ZNF423: variants seen among roughly 807,000 people sequenced by gnomAD.
The protein encoded by ZNF423 is zinc finger protein 423.
Under a neutral mutation model 95.8 loss-of-function variants are expected in ZNF423, and 12 were observed. That is an observed-to-expected ratio of 0.13 (90% CI 0.08 to 0.20). ZNF423 has a LOEUF of 0.20. Among genes scored for constraint, ZNF423 ranks in the 10% least tolerant of loss-of-function variants. The probability of loss-of-function intolerance (pLI) is 1.00; values close to 1 mark genes in which losing one functional copy is unlikely to be tolerated. For synonymous variants in ZNF423, 749 were observed against 711.9 expected (o/e 1.05, Z -0.83); for missense variants, 1,316 against 1,737.1 (o/e 0.76, Z 4.31).
chr16:49,642,877 G>A (rs1312342135), intron 3 of ZNF423, among the ~76,000 whole-genome samples: 1 of 148,736 alleles, frequency 6.7e-6, no homozygotes, highest in Non-Finnish European at 1.5e-5. Context: ...CCAGAGTGCA[G>A]TGGTGTGATC....
At chr16:49,546,929 G>A (rs1374617104) in intron 5 of ZNF423, among the ~76,000 whole-genome samples, 1 of 151,236 alleles carries the variant, frequency 6.6e-6, no homozygotes, top group Non-Finnish European at 1.5e-5. Flanking sequence ...GTGATCTTAG[G>A]ATAGTCACCT....
chr16:49,600,782 G>C (rs555780379), intron 5 of ZNF423, among the ~76,000 whole-genome samples: 1 of 152,270 alleles, frequency 6.6e-6, no homozygotes, highest in Admixed American at 6.5e-5. Context: ...ACCCAGGCCG[G>C]AGTGAGTGCT....
intron 1 of ZNF423, among the ~76,000 whole-genome samples, chr16:49,795,953 G>C (rs968778773): frequency 6.6e-6 from 1 of 152,084 alleles, no homozygotes; most frequent in Non-Finnish European, 1.5e-5. Flanking sequence ...GAGGCCAGAG[G>C]GCCCTTAGAG....
intron 3 of ZNF423, among the ~76,000 whole-genome samples, chr16:49,644,280 T>C (rs192541027): frequency 2.4e-3 from 368 of 151,964 alleles, no homozygotes; most frequent in South Asian, 0.012. Flanking sequence ...TGCATTGAGT[T>C]TGGGGGGAAG....
At chr16:49,509,365 G>A (rs368062497) in intron 7 of ZNF423, among the ~76,000 whole-genome samples, 56 of 152,212 alleles carry the variant, frequency 3.7e-4, no homozygotes, top group Non-Finnish European at 6.2e-4. Context: ...GCCCCAGTCC[G>A]TCCATGATTG....
intron 5 of ZNF423, among the ~76,000 whole-genome samples, chr16:49,555,682 A>G (rs1969797758): frequency 6.6e-6 from 1 of 152,196 alleles, no homozygotes; most frequent in African/African-American, 2.4e-5. Context: ...GAATGTAACC[A>G]TGGACAGGTG....
chr16:49,637,273 T>C lies in ZNF423; in HGVS notation c.1903A>G (p.Ile635Val), dbSNP rs142414666. Residue 635 changes from isoleucine to valine, a missense_variant, in exon 4 of 8, where the codon ATC (isoleucine) becomes GTC (valine). By Grantham distance (29) the Ile-to-Val change is conservative. Transcript: ENST00000563137. The surrounding 1 kb of genome is among the most constrained non-coding windows in gnomAD (Gnocchi z 5.6). ...TTGCAAGGATACTCCCCATTGGAGA[T>C]GGAGTTGGCGCTTGCTGAGAGCCGC... ...RQRLSASANS[I>V]SNGEYPCNQC... 548 of 1,614,064 alleles carry C rather than the reference T, an allele frequency of 3.4e-4. No homozygotes were observed. The highest frequency in any genetic ancestry group is 4.5e-4 in the Non-Finnish European group (534 of 1,180,046).
intron 1 of ZNF423, among the ~76,000 whole-genome samples, chr16:49,803,626 C>T (rs2034613696): frequency 6.6e-6 from 1 of 152,144 alleles, no homozygotes; most frequent in Non-Finnish European, 1.5e-5. Context: ...GGGTTTTGAC[C>T]TTCAACCACT....
intron 3 of ZNF423, among the ~76,000 whole-genome samples, chr16:49,698,706 T>C (rs534171219): frequency 1.1e-3 from 168 of 152,230 alleles, no homozygotes; most frequent in African/African-American, 3.9e-3. Flanking sequence ...ACAGCCGCCC[T>C]GCTCCCGGAC....
At position 49,517,882 on chromosome 16, in the gene ZNF423, C is replaced by A. The variant is rs145338866; in HGVS notation, c.3849+5742G>T. 2.7e-5 allele frequency: 12 copies of A among 444,326 alleles called. No homozygotes were observed. In the East Asian group the frequency reaches 7.7e-4, roughly 28 times the overall value. 27.5% of individuals were successfully genotyped at this position (444,326 alleles called of 1,614,324 possible). On this transcript the variant is annotated intron_variant, in intron 7 of 7. Transcript: ENST00000563137. ...TCTCTTCATTTTATTCCATTTAAGA[C>A]TAACAATAGCAATTAAAATGAGCAA... is the stretch of plus-strand genomic sequence containing the variant.
At chr16:49,732,058 T>A (rs1249015805) in intron 2 of ZNF423, among the ~76,000 whole-genome samples, 2 of 152,116 alleles carry the variant, frequency 1.3e-5, no homozygotes, top group Non-Finnish European at 2.9e-5. Context: ...GTCTTGCATA[T>A]CCTAAACTCA....
chr16:49,780,871 G>A (rs2034201023), intron 2 of ZNF423, among the ~76,000 whole-genome samples: 2 of 152,244 alleles, frequency 1.3e-5, no homozygotes, highest in Non-Finnish European at 2.9e-5. Flanking sequence ...CATCTATTTA[G>A]TGAGACTTTT....
intron 3 of ZNF423, among the ~76,000 whole-genome samples, chr16:49,709,955 A>G (rs1175039801): frequency 6.6e-6 from 1 of 152,188 alleles, no homozygotes; most frequent in African/African-American, 2.4e-5. Context: ...GGCAGCCACA[A>G]TAATCAGGGA....
intron 1 of ZNF423, among the ~76,000 whole-genome samples, chr16:49,816,714 G>A (rs991174567): frequency 6.6e-6 from 1 of 152,070 alleles, no homozygotes; most frequent in Non-Finnish European, 1.5e-5. Flanking sequence ...AGCCTGGGAG[G>A]TTGAGGCTGC....
intron 1 of ZNF423, among the ~76,000 whole-genome samples, chr16:49,793,987 C>T (rs1178559346): frequency 6.6e-6 from 1 of 151,802 alleles, no homozygotes; most frequent in Non-Finnish European, 1.5e-5. Flanking sequence ...AGATCTGTTA[C>T]CTACTTAAGA....
Position 49,767,220 on chromosome 16 carries a change from T to C in ZNF423, c.100+22267A>G, listed in dbSNP as rs552799539. Among the ~76,000 whole-genome samples, 19 of 152,212 alleles carry C rather than the reference T, an allele frequency of 1.2e-4. No homozygotes were observed. The East Asian group carries it at 3.3e-3, about 26-fold the overall frequency. ...ATCCTCCTGCATCGGCCTCCCAAAG[T>C]GCGGGGCTTACAGGCCACCGTGCCT... On this transcript the variant is annotated intron_variant, in intron 2 of 7. Transcript: ENST00000563137.
intron 4 of ZNF423, among the ~76,000 whole-genome samples, chr16:49,634,892 G>C (rs1020570823): frequency 6.6e-6 from 1 of 152,172 alleles, no homozygotes; most frequent in African/African-American, 2.4e-5. Flanking sequence ...ATGGGCCTGT[G>C]GCTCCCTCTG....
At chr16:49,784,683 C>T (rs1487120918) in intron 2 of ZNF423, among the ~76,000 whole-genome samples, 1 of 152,184 alleles carries the variant, frequency 6.6e-6, no homozygotes, top group African/African-American at 2.4e-5. Flanking sequence ...GGTGTGGTGG[C>T]TCATGCCTGT....
At chr16:49,529,204 C>T (rs1968746166) in intron 5 of ZNF423, among the ~76,000 whole-genome samples, 1 of 151,822 alleles carries the variant, frequency 6.6e-6, no homozygotes, top group Non-Finnish European at 1.5e-5. Context: ...TATGCAGCCC[C>T]GCTCATTTGT....
Sources: allele counts gnomAD v4.1 joint callset (sites outside exome capture counted in the v4.1 genomes callset), GRCh38; gene constraint gnomAD v4.1.1; non-coding constraint Gnocchi (gnomAD v3.1); transcripts MANE v1.5; gene names NCBI Gene and HGNC (gene_info 2026-07-23, HGNC 2026-07-21).